NCAM2: variants seen among roughly 807,000 people sequenced by gnomAD.
NCAM2 encodes the protein N-CAM-2.
Under a neutral mutation model 98.1 loss-of-function variants are expected in NCAM2, and 30 were observed. The observed-to-expected ratio is 0.31, with a 90% CI of 0.23 to 0.41. The LOEUF is 0.41. NCAM2 is among the 10% of genes least tolerant of loss of function. The pLI is 1.00. For synonymous variants in NCAM2, 368 were observed against 342.4 expected (o/e 1.07, Z -0.83); for missense variants, 867 against 1,005.8 (o/e 0.86, Z 1.87).
chr21:21,294,781 C>T (rs1264001946), intron 5 of NCAM2, among the ~76,000 whole-genome samples: 1 of 150,970 alleles, frequency 6.6e-6, no homozygotes. Flanking sequence ...TTGACTTTCA[C>T]CCTGCTTACT....
chr21:21,120,391 G>A lies in NCAM2; in HGVS notation c.55+121773G>A, dbSNP rs2066647017. Among the ~76,000 whole-genome samples the A allele has an allele frequency of 2.6e-5, 4 of 152,096 alleles. No individual in the cohort carries two copies. The South Asian group carries it at 6.2e-4, about 24-fold the overall frequency. ...GATTTTCAATGAAGAAGGAAATAAT[G>A]TTAATTTTGGGATAGGAAACTGATT... On this transcript the variant is annotated intron_variant, in intron 1 of 17. Coordinates refer to ENST00000400546, the MANE Select transcript of NCAM2 (RefSeq NM_004540.5).
chr21:21,162,229 AACACACTTG>A (rs2067806529), intron 1 of NCAM2, among the ~76,000 whole-genome samples: 1 of 152,130 alleles, frequency 6.6e-6, no homozygotes, highest in Non-Finnish European at 1.5e-5. Flanking sequence ...ATTTATCTGT[AACACACTTG>A]AAGTGTAATT....
intron 9 of NCAM2, among the ~76,000 whole-genome samples, chr21:21,386,524 T>A (rs900021311): frequency 7.9e-5 from 12 of 152,160 alleles, no homozygotes; most frequent in Non-Finnish European, 8.8e-5. Flanking sequence ...AGCATATCTC[T>A]TCATCCAGAA....
At chr21:21,454,233 G>T (rs536958209) in intron 12 of NCAM2, among the ~76,000 whole-genome samples, 164 of 146,974 alleles carry the variant, frequency 1.1e-3, no homozygotes, top group Non-Finnish European at 2.2e-3. Flanking sequence ...AAGGAAGTGA[G>T]AATATAATCA....
At chr21:21,446,097 G>A (rs1980092754) in intron 12 of NCAM2, among the ~76,000 whole-genome samples, 1 of 151,940 alleles carries the variant, frequency 6.6e-6, no homozygotes, top group Admixed American at 6.6e-5. Context: ...ATGATGCTTA[G>A]TTTGGCCGGG....
chr21:21,340,021 C>T (rs955561736), intron 8 of NCAM2, among the ~76,000 whole-genome samples: 2 of 151,540 alleles, frequency 1.3e-5, no homozygotes, highest in African/African-American at 2.4e-5. Flanking sequence ...ATATTCTTAA[C>T]AAAAAATAAT....
At chr21:21,201,927 T>TA (rs1442666797) in intron 1 of NCAM2, among the ~76,000 whole-genome samples, 1 of 152,056 alleles carries the variant, frequency 6.6e-6, no homozygotes, top group African/African-American at 2.4e-5. Context: ...AAAATCATGT[T>TA]AAAAAAAGAC....
At chr21:21,247,555 ATT>A (rs1374592058) in intron 1 of NCAM2, among the ~76,000 whole-genome samples, 2 of 152,138 alleles carry the variant, frequency 1.3e-5, no homozygotes, top group Non-Finnish European at 2.9e-5. Context: ...CTACCCTATA[ATT>A]TATGCTGAAT....
At chr21:21,159,936 G>A (rs1051656008) in intron 1 of NCAM2, among the ~76,000 whole-genome samples, 44 of 151,922 alleles carry the variant, frequency 2.9e-4, no homozygotes, top group African/African-American at 9.4e-4. Context: ...TGAGAGATAC[G>A]TACTGGGAAA....
intron 13 of NCAM2, among the ~76,000 whole-genome samples, chr21:21,467,999 A>G (rs764773305): frequency 7.2e-5 from 11 of 152,040 alleles, no homozygotes; most frequent in Non-Finnish European, 1.6e-4. Flanking sequence ...CACATAGAAA[A>G]TTCTTGCACT....
At chr21:21,322,091 T>G (rs2074389394) in intron 5 of NCAM2, among the ~76,000 whole-genome samples, 1 of 152,094 alleles carries the variant, frequency 6.6e-6, no homozygotes, top group Non-Finnish European at 1.5e-5. Context: ...ATAAATAAAA[T>G]GCAGTACCTA....
intron 1 of NCAM2, among the ~76,000 whole-genome samples, chr21:21,143,216 TTTCC>T (rs2067205140): frequency 6.6e-6 from 1 of 152,234 alleles, no homozygotes; most frequent in African/African-American, 2.4e-5. Flanking sequence ...TTTGGGTTTT[TTTCC>T]ATTGGAAGAT....
At chr21:21,532,550 A>T (rs1169276319) in intron 16 of NCAM2, among the ~76,000 whole-genome samples, 2 of 152,138 alleles carry the variant, frequency 1.3e-5, no homozygotes, top group South Asian at 2.1e-4. Flanking sequence ...ATTCTTAGTA[A>T]GAAAAAGAAT....
Position 21,292,093 on chromosome 21 carries a change from T to C in NCAM2, c.482-11T>C, listed in dbSNP as rs776633904. ...ACTGATACCATTTTCTCCCCTTTGC[T>C]TTCTTTCCAGATCGGTTCGCTATGT... On this transcript the variant is annotated splice_polypyrimidine_tract_variant and intron_variant, in intron 4 of 17. Transcript: ENST00000400546. 1.6e-5 allele frequency: 26 copies of C among 1,603,506 alleles called. No individual in the cohort carries two copies. Among genetic ancestry groups the C allele is most frequent in the Non-Finnish European group, 3.4e-6 (4 of 1,175,348 alleles).
intron 8 of NCAM2, among the ~76,000 whole-genome samples, chr21:21,362,418 A>C (rs904065860): frequency 6.6e-6 from 1 of 150,876 alleles, no homozygotes; most frequent in Admixed American, 6.6e-5. Flanking sequence ...AACCTGAAAC[A>C]GGGTCTTGCT....
chr21:21,138,268 T>A (rs1305280967), intron 1 of NCAM2, among the ~76,000 whole-genome samples: 1 of 152,152 alleles, frequency 6.6e-6, no homozygotes, highest in Non-Finnish European at 1.5e-5. Context: ...GCCCCAGACG[T>A]TCCAATCTCT....
At position 21,107,391 on chromosome 21, in the gene NCAM2, T is replaced by C. The variant is rs150166722; in HGVS notation, c.55+108773T>C. On this transcript the variant is annotated intron_variant, in intron 1 of 17. Transcript: ENST00000400546. ...AAACTATATCTGATGTTTTTTTCCA[T>C]GCAAGGTTAATAGACATAGTCACAC... 1.5e-3 allele frequency among the ~76,000 whole-genome samples: 229 copies of C among 152,166 alleles called. 1 individual carries two copies. The highest frequency in any genetic ancestry group is 5.3e-3 in the African/African-American group (221 of 41,548).
intron 1 of NCAM2, among the ~76,000 whole-genome samples, chr21:21,222,491 G>A (rs2070210426): frequency 6.6e-6 from 1 of 152,134 alleles, no homozygotes; most frequent in Admixed American, 6.6e-5. Context: ...CAGGAGTTAG[G>A]AATAAGTTGA....
chr21:21,521,359 A>C (rs925252443), intron 16 of NCAM2, among the ~76,000 whole-genome samples: 11 of 152,164 alleles, frequency 7.2e-5, no homozygotes, highest in African/African-American at 2.4e-4. Context: ...ACCCCTACTC[A>C]GTATGTTATG....
Sources: allele counts gnomAD v4.1 joint callset (sites outside exome capture counted in the v4.1 genomes callset), GRCh38; gene constraint gnomAD v4.1.1; transcripts MANE v1.5; gene names NCBI Gene and HGNC (gene_info 2026-07-23, HGNC 2026-07-21).